The following NCAPH2 variants were observed in gnomAD, a reference collection of about 807,000 sequenced individuals.
NCAPH2 encodes the protein condensin-2 complex subunit H2.
NCAPH2 carries 56 observed loss-of-function variants against 88.6 expected under a neutral mutation model. The ratio of observed to expected loss-of-function variants is 0.63; its 90% confidence interval spans 0.51 to 0.79. The LOEUF is 0.79. NCAPH2 is among the 30% of genes least tolerant of loss of function. The pLI is 0.00. For missense variants in NCAPH2, 794 were observed against 792.0 expected, an observed-to-expected ratio of 1.00 and a Z score of -0.03; for synonymous variants, 378 against 313.6, an observed-to-expected ratio of 1.21 and a Z score of -2.17.
At chr22:50,518,427 T>C in intron 7 of NCAPH2, 149 bp downstream of exon 7, 1 of 1,234,914 alleles carries the variant, frequency 8.1e-7, no homozygotes, top group Non-Finnish European at 1.1e-6. Flanking sequence ...TGGCTGGTGC[T>C]CATCCCACCC....
At chr22:50,521,673 G>A (rs1019001059) in intron 11 of NCAPH2, 64 bp downstream of exon 11, 102 of 1,609,270 alleles carry the variant, frequency 6.3e-5, no homozygotes, top group Non-Finnish European at 8.2e-5. Flanking sequence ...GCATGAGGTG[G>A]GGGGGTGGGA....
Position 50,522,844 on chromosome 22 carries a change from G to T in NCAPH2, c.1449G>T (p.Gln483His), listed in dbSNP as rs760086665. 4 of 1,613,522 alleles carry T rather than the reference G, an allele frequency of 2.5e-6. No homozygotes were observed. The East Asian group carries it at 8.9e-5, about 36-fold the overall frequency. Residue 483 changes from glutamine to histidine, a missense_variant, in exon 18 of 20, where the codon CAG becomes CAT. Physicochemically the swap from Gln to His is conservative, Grantham distance 24. This residue lies in a region of NCAPH2 where 735 missense variants were observed against 696.3 expected (regional missense o/e 1.06). Coordinates refer to ENST00000420993, the MANE Select transcript of NCAPH2 (RefSeq NM_152299.4). ...AGGAGCTCTTCATCGCCACCTCCCA[G>T]AAGTTTGTCCAGGAGACAGAGCTGA... ...RNVELFIATS[Q>H]KFVQETELSQ...
In NCAPH2 at chr22:50,523,526, G is replaced by A. The variant is rs554058163; in HGVS notation, c.*151G>A. 4.7e-5 allele frequency: 74 copies of A among 1,564,368 alleles called. No homozygotes were observed. The highest frequency in any genetic ancestry group is 6.3e-5 in the Non-Finnish European group (73 of 1,150,624). Reference sequence around the variant, plus strand: ...ACCTGCGCAGAGAAGAGGGCTGCCTGGCCTCCCTGGGCCGCTGGTACAGAT... The same window carrying A: ...ACCTGCGCAGAGAAGAGGGCTGCCTAGCCTCCCTGGGCCGCTGGTACAGAT... On this transcript the variant is annotated 3_prime_UTR_variant, in exon 20 of 20. Coordinates refer to ENST00000420993, the MANE Select transcript of NCAPH2 (RefSeq NM_152299.4).
intron 1 of NCAPH2, chr22:50,515,869 G>A (rs2068907042): frequency 1.7e-6 from 2 of 1,171,780 alleles, no homozygotes; most frequent in South Asian, 1.4e-5. Flanking sequence ...GAGCTGGTCG[G>A]GTTGGGTTTG....
At chr22:50,517,169 G>A (rs185424149) in intron 2 of NCAPH2, among the ~76,000 whole-genome samples, 23 of 152,264 alleles carry the variant, frequency 1.5e-4, no homozygotes, top group African/African-American at 5.1e-4. Flanking sequence ...AGGGTCACAC[G>A]TTGAGAAGGC....
At chr22:50,515,692 G>T (rs767342458) in intron 1 of NCAPH2, 3 of 1,060,114 alleles carry the variant, frequency 2.8e-6, no homozygotes, top group Admixed American at 2.7e-5. Context: ...CACCGCACCC[G>T]GCCTTTTTTT....
intron 1 of NCAPH2, among the ~76,000 whole-genome samples, chr22:50,508,771 G>A (rs1019602436): frequency 6.6e-6 from 1 of 152,226 alleles, no homozygotes; most frequent in Non-Finnish European, 1.5e-5. Context: ...CAGTTATTGC[G>A]AGCATGCTTG....
intron 9 of NCAPH2, 72 bp from the exon 10 acceptor site, chr22:50,520,893 G>A: frequency 1.3e-6 from 2 of 1,511,024 alleles, no homozygotes; most frequent in East Asian, 2.5e-5. Context: ...AACCCAAGGT[G>A]GAGTTCCTGG....
chr22:50,515,552 A>G (rs1423686302), intron 1 of NCAPH2, among the ~76,000 whole-genome samples: 3 of 151,918 alleles, frequency 2.0e-5, no homozygotes, highest in Non-Finnish European at 4.4e-5. Flanking sequence ...GCCCGCCACC[A>G]CGCCCAGCTA....
At chr22:50,521,155 T>C (rs2148666029) in intron 10 of NCAPH2, 119 bp downstream of exon 10, 4 of 1,184,214 alleles carry the variant, frequency 3.4e-6, no homozygotes, top group South Asian at 1.4e-5. Flanking sequence ...TGTGGCCCTT[T>C]GCACTTGCTC....
intron 1 of NCAPH2, among the ~76,000 whole-genome samples, chr22:50,508,864 C>G (rs148425663): frequency 2.0e-5 from 3 of 152,362 alleles, no homozygotes; most frequent in East Asian, 3.9e-4. Flanking sequence ...TTGCCATGCT[C>G]TATCCTGTTA....
intron 9 of NCAPH2, chr22:50,519,677 AC>A: frequency 8.9e-7 from 1 of 1,117,718 alleles, no homozygotes. Context: ...GCCTCCCTCA[AC>A]CCCCGGGGTC....
At position 50,524,718 on chromosome 22, in the gene NCAPH2, A is replaced by T; in HGVS notation, c.*1343A>T. On this transcript the variant is annotated 3_prime_UTR_variant, in exon 20 of 20. Coordinates refer to ENST00000420993, the MANE Select transcript of NCAPH2 (RefSeq NM_152299.4). ...CCTCTTGCTGACGGAAAGCATTCCA[A>T]GTGCATGCCTTGCCTGAACTAACCA... The T allele has an allele frequency of 1.6e-6, 1 of 610,316 alleles. No homozygotes were observed. The allele number at this position is 610,316 out of a possible 1,614,324, so 37.8% of individuals were successfully genotyped here. A position where few individuals can be genotyped will look rare whatever the true frequency, so the allele number is the denominator to read the frequency against.
At position 50,521,757 on chromosome 22, in the gene NCAPH2, GC is replaced by G; in HGVS notation, c.1023del (p.Cys342ValfsTer56). On this transcript the variant is annotated frameshift_variant, in exon 12 of 20. Transcript: ENST00000420993. LOFTEE classifies it high-confidence loss of function. ...PFKKGRPYSV[P>X]PCVEEALGQK... ...TGCCCCCAGGTAGGCCTTACTCTGTGCCCCCCTGTGTGGAGGAGGCTCTGGG... is the reference window on the plus strand; with the variant it reads ...TGCCCCCAGGTAGGCCTTACTCTGTGCCCCCTGTGTGGAGGAGGCTCTGGG... The G allele has an allele frequency of 2.5e-6, 4 of 1,613,924 alleles. No individual in the cohort carries two copies. The highest frequency in any genetic ancestry group is 3.4e-6 in the Non-Finnish European group (4 of 1,180,028).
At chr22:50,512,418 C>G (rs2068808458) in intron 1 of NCAPH2, among the ~76,000 whole-genome samples, 1 of 152,144 alleles carries the variant, frequency 6.6e-6, no homozygotes, top group South Asian at 2.1e-4. Context: ...TTCCTGCTTT[C>G]TTATGTCTGC....
In NCAPH2 at chr22:50,523,771, T is replaced by G; in HGVS notation, c.*396T>G. On this transcript the variant is annotated 3_prime_UTR_variant, in exon 20 of 20. Coordinates refer to ENST00000420993, the MANE Select transcript of NCAPH2 (RefSeq NM_152299.4). ...CACGATGTAGTCCTGGTCCTCATCC[T>G]TGGGGCCTGCATTGTAGTACACGCG... The G allele has an allele frequency of 6.2e-7, 1 of 1,614,180 alleles. No individual in the cohort carries two copies. The highest frequency in any genetic ancestry group is 1.3e-5 in the African/African-American group (1 of 75,062).
Position 50,523,481 on chromosome 22 carries a change from C to G in NCAPH2, c.*106C>G, listed in dbSNP as rs1338956419. The G allele has an allele frequency of 2.6e-6, 4 of 1,533,764 alleles. No homozygotes were observed. Among genetic ancestry groups the G allele is most frequent in the Non-Finnish European group, 3.5e-6 (4 of 1,137,090 alleles). ...GCAGTGTTGCCATCTCATCTTCCCC[C>G]TAAAAACCCTTTTATGTACACCTGC... On this transcript the variant is annotated 3_prime_UTR_variant, in exon 20 of 20. Transcript: ENST00000420993.
intron 9 of NCAPH2, 102 bp from the exon 10 acceptor site, chr22:50,520,863 C>T (rs1451177884): frequency 6.5e-6 from 9 of 1,377,264 alleles, no homozygotes; most frequent in Non-Finnish European, 8.9e-6. Flanking sequence ...ACGCCCGACC[C>T]TTGTAGGGTT....
chr22:50,511,283 C>CTTTT (rs2068775212), intron 1 of NCAPH2, among the ~76,000 whole-genome samples: 4 of 127,254 alleles, frequency 3.1e-5, no homozygotes, highest in African/African-American at 1.6e-4. Flanking sequence ...CTGCCTCAGC[C>CTTTT]TCTTTTTTTT....
Sources: gnomAD v4.1 joint callset for allele counts (sites outside exome capture counted in the v4.1 genomes callset) on GRCh38, gnomAD v4.1.1 for gene constraint, gnomAD v4.1.1 regional missense constraint, MANE v1.5 for transcripts, NCBI Gene and HGNC (gene_info 2026-07-23, HGNC 2026-07-21) for gene names.